PIK3C2A: variants seen among roughly 807,000 people sequenced by gnomAD.
PIK3C2A encodes phosphatidylinositol-4-phosphate 3-kinase catalytic subunit type 2 alpha, also known as phosphatidylinositol 4-phosphate 3-kinase C2 domain-containing subunit alpha.
Under a neutral mutation model 204.5 loss-of-function variants are expected in PIK3C2A, and 97 were observed. The observed-to-expected ratio is 0.47, with a 90% confidence interval of 0.40 to 0.56. The LOEUF (loss-of-function observed/expected upper bound fraction) is 0.56. Ranked by LOEUF, PIK3C2A falls within the 20% of genes least tolerant of loss-of-function variation. The pLI is 0.00. For missense variants in PIK3C2A, 1,735 were observed against 1,969.2 expected (o/e 0.88, Z 2.25); for synonymous variants, 653 against 664.4 (o/e 0.98, Z 0.26).
chr11:17,125,446 T>G (rs771420261), intron 13 of PIK3C2A, among the ~76,000 whole-genome samples: 3 of 152,326 alleles, frequency 2.0e-5, no homozygotes, highest in Admixed American at 6.5e-5. Context: ...AAATCTATTA[T>G]TTCAGCATGG....
chr11:17,169,407 T>G lies in PIK3C2A; in HGVS notation c.335A>C (p.Lys112Thr). 1.2e-6 allele frequency: 2 copies of G among 1,614,160 alleles called. No individual in the cohort carries two copies. Among genetic ancestry groups the G allele is most frequent in the Non-Finnish European group, 8.5e-7 (1 of 1,180,020 alleles). ...KLLLDDSFET[K>T]KTPVLPVTPI... Reference sequence around the variant, plus strand: ...AGTAACTGGTAATACAGGTGTTTTTTTAGTCTCGAAACTGTCATCCAGCAA... The same window carrying G: ...AGTAACTGGTAATACAGGTGTTTTTGTAGTCTCGAAACTGTCATCCAGCAA... Residue 112 changes from lysine to threonine, a missense_variant, in exon 2 of 33, where the codon AAA becomes ACA. Around this residue, in one of 6 missense-constraint regions of PIK3C2A, gnomAD observed 536 missense variants for 546.7 expected, o/e 0.98. Transcript: ENST00000691414.
In PIK3C2A at chr11:17,088,191, A is replaced by T. The variant is rs1848202828; in HGVS notation, c.*1547T>A. ...GAGTTCTTATTATATATATGTATAT[A>T]TCCAAATTAACAAAATTGTGTCTGA... On this transcript the variant is annotated 3_prime_UTR_variant, in exon 33 of 33. Coordinates refer to ENST00000691414, the MANE Select transcript of PIK3C2A (RefSeq NM_002645.4). 1 of 152,210 alleles carries T rather than the reference A, an allele frequency of 6.6e-6. No homozygotes were observed. The highest frequency in any genetic ancestry group is 1.5e-5 in the Non-Finnish European group (1 of 68,034). 9.4% of individuals were successfully genotyped at this position (152,210 alleles called of 1,614,324 possible).
In PIK3C2A at chr11:17,087,251, A is replaced by T. The variant is rs1444153569; in HGVS notation, c.*2487T>A. ...CTTTTTTTAGATTTACTTTAATGTC[A>T]GCTTTTAAAAAATGCTTAAAAATCC... is the stretch of plus-strand genomic sequence containing the variant. On this transcript the variant is annotated 3_prime_UTR_variant, in exon 33 of 33. Transcript: ENST00000691414. The T allele has an allele frequency of 6.6e-6, 1 of 152,224 alleles. No individual in the cohort carries two copies. The highest frequency in any genetic ancestry group is 1.5e-5 in the Non-Finnish European group (1 of 68,030). 9.4% of individuals were successfully genotyped at this position (152,224 alleles called of 1,614,324 possible).
intron 2 of PIK3C2A, among the ~76,000 whole-genome samples, chr11:17,157,855 C>A (rs1850647164): frequency 6.6e-6 from 1 of 152,150 alleles, no homozygotes; most frequent in African/African-American, 2.4e-5. Context: ...TTTTATATTT[C>A]CTAGCAAATC....
intron 15 of PIK3C2A, among the ~76,000 whole-genome samples, chr11:17,121,488 G>C (rs748662743): frequency 6.6e-6 from 1 of 152,198 alleles, no homozygotes; most frequent in Non-Finnish European, 1.5e-5. Flanking sequence ...AAATATAAAA[G>C]AGTTTTATAT....
At chr11:17,129,218 C>A in intron 13 of PIK3C2A, 82 bp downstream of exon 13, 1 of 1,070,850 alleles carries the variant, frequency 9.3e-7, no homozygotes, top group Non-Finnish European at 1.4e-6. Flanking sequence ...TATGTTCCTC[C>A]CCTCACCTCC....
chr11:17,133,917 G>T (rs1458190398), intron 11 of PIK3C2A, among the ~76,000 whole-genome samples: 3 of 151,530 alleles, frequency 2.0e-5, no homozygotes, highest in Non-Finnish European at 2.9e-5. Context: ...AACAATGCAA[G>T]ACTCCATCTC....
chr11:17,138,173 T>C lies in PIK3C2A; in HGVS notation c.1705-1548A>G, dbSNP rs1023052753. 7.7e-5 allele frequency: 67 copies of C among 872,436 alleles called. No individual in the cohort carries two copies. In the African/African-American group the frequency reaches 9.4e-4, roughly 12 times the overall value. The allele number at this position is 872,436 out of a possible 1,614,324, so 54.0% of individuals were successfully genotyped here. A position where few individuals can be genotyped will look rare whatever the true frequency, so the allele number is the denominator to read the frequency against. On this transcript the variant is annotated intron_variant, in intron 8 of 32. Transcript: ENST00000691414. ...GTCTCACAGCACGAACCCCTCAAAG[T>C]CTACCTGGGTACACACCACATGCAG...
intron 8 of PIK3C2A, 30 bp from the exon 9 acceptor site, chr11:17,136,655 G>T: frequency 7.4e-7 from 1 of 1,358,966 alleles, no homozygotes. Flanking sequence ...AATAAAAATA[G>T]GTAGGTGAAA....
chr11:17,167,607 G>A (rs1364976016), intron 2 of PIK3C2A, among the ~76,000 whole-genome samples: 1 of 152,122 alleles, frequency 6.6e-6, no homozygotes, highest in Non-Finnish European at 1.5e-5. Context: ...GGCAACAAGA[G>A]CAAAACTTCA....
intron 20 of PIK3C2A, among the ~76,000 whole-genome samples, chr11:17,113,696 C>T (rs905542423): frequency 2.7e-5 from 4 of 149,332 alleles, no homozygotes; most frequent in African/African-American, 9.9e-5. Context: ...GCAGGAGAAT[C>T]ACTTGAACCT....
intron 28 of PIK3C2A, among the ~76,000 whole-genome samples, chr11:17,093,815 T>C (rs916055908): frequency 6.6e-6 from 1 of 151,960 alleles, no homozygotes; most frequent in African/African-American, 2.4e-5. Flanking sequence ...TTTTGTATTT[T>C]TTATAGAGAT....
chr11:17,162,378 T>C (rs1237446371), intron 2 of PIK3C2A, among the ~76,000 whole-genome samples: 1 of 151,708 alleles, frequency 6.6e-6, no homozygotes. Context: ...ATCCTATCTA[T>C]AGCATTTATA....
chr11:17,193,268 T>C (rs1290580823), intron 1 of PIK3C2A, among the ~76,000 whole-genome samples: 2 of 152,200 alleles, frequency 1.3e-5, no homozygotes, highest in African/African-American at 2.4e-5. Context: ...AAGACATTCT[T>C]CCAATAAAAA....
At chr11:17,125,713 T>A (rs1003007532) in intron 13 of PIK3C2A, among the ~76,000 whole-genome samples, 1 of 151,404 alleles carries the variant, frequency 6.6e-6, no homozygotes, top group Non-Finnish European at 1.5e-5. Flanking sequence ...GAGACAGGGT[T>A]TCGCCATATT....
At chr11:17,093,607 T>C (rs1010052791) in intron 28 of PIK3C2A, among the ~76,000 whole-genome samples, 4 of 146,898 alleles carry the variant, frequency 2.7e-5, no homozygotes, top group African/African-American at 5.0e-5. Context: ...TGGCCCATGA[T>C]AGATTATTTC....
chr11:17,121,134 T>C (rs1043982100), intron 15 of PIK3C2A, among the ~76,000 whole-genome samples: 5 of 151,710 alleles, frequency 3.3e-5, no homozygotes, highest in Non-Finnish European at 5.9e-5. Flanking sequence ...CTTTTCTTTT[T>C]TGAGACAGGG....
intron 1 of PIK3C2A, among the ~76,000 whole-genome samples, chr11:17,175,365 G>C (rs1041792658): frequency 3.9e-5 from 6 of 152,172 alleles, no homozygotes; most frequent in African/African-American, 1.4e-4. Flanking sequence ...AGGTTATCAT[G>C]CATGTATACT....
At chr11:17,106,402 C>A (rs1442836328) in intron 22 of PIK3C2A, among the ~76,000 whole-genome samples, 1 of 151,916 alleles carries the variant, frequency 6.6e-6, no homozygotes, top group Non-Finnish European at 1.5e-5. Context: ...ACAGCGAGAC[C>A]CTGTCTTCAA....
Sources: allele counts gnomAD v4.1 joint callset (sites outside exome capture counted in the v4.1 genomes callset), GRCh38; gene constraint gnomAD v4.1.1; regional missense constraint gnomAD v4.1.1; transcripts MANE v1.5; gene names NCBI Gene and HGNC (gene_info 2026-07-23, HGNC 2026-07-21).